Variants in ARHGAP42 observed in about 807,000 individuals in gnomAD.
ARHGAP42 encodes the protein rho GTPase-activating protein 42.
Under a neutral mutation model 125.0 loss-of-function variants are expected in ARHGAP42, and 63 were observed. The ratio of observed to expected loss-of-function variants is 0.50; its 90% CI spans 0.41 to 0.62. ARHGAP42 has a LOEUF of 0.62. Ranked by LOEUF, ARHGAP42 falls within the 20% of genes least tolerant of loss-of-function variation. The pLI is 0.00. For missense variants in ARHGAP42, 766 were observed against 1,024.2 expected (o/e 0.75, Z 3.44); for synonymous variants, 339 against 351.0 (o/e 0.97, Z 0.38).
At chr11:100,689,015 T>C (rs1861140920) in intron 1 of ARHGAP42, among the ~76,000 whole-genome samples, 1 of 152,202 alleles carries the variant, frequency 6.6e-6, no homozygotes, top group South Asian at 2.1e-4. Flanking sequence ...TTTTGAAACA[T>C]GTATTAACAG....
chr11:100,954,772 G>A (rs1857761452), intron 12 of ARHGAP42, among the ~76,000 whole-genome samples: 1 of 152,082 alleles, frequency 6.6e-6, no homozygotes. Context: ...AAGAATTTGG[G>A]CCAGGGCTAT....
At chr11:100,870,019 GTGC>G (rs965975195) in intron 4 of ARHGAP42, among the ~76,000 whole-genome samples, 4 of 152,090 alleles carry the variant, frequency 2.6e-5, no homozygotes, top group Non-Finnish European at 5.9e-5. Flanking sequence ...GTTATTGACT[GTGC>G]AATACAGTGG....
intron 21 of ARHGAP42, among the ~76,000 whole-genome samples, chr11:100,978,512 G>A (rs1215930980): frequency 6.6e-6 from 1 of 151,976 alleles, no homozygotes; most frequent in East Asian, 1.9e-4. Context: ...TTCAGAGTTT[G>A]CCCTTTTCAC....
At chr11:100,742,526 C>A (rs963588753) in intron 1 of ARHGAP42, among the ~76,000 whole-genome samples, 1 of 152,172 alleles carries the variant, frequency 6.6e-6, no homozygotes, top group Non-Finnish European at 1.5e-5. Flanking sequence ...AGTAACAGAT[C>A]TTATTAATTA....
At chr11:100,986,043 C>T (rs1044457270) in intron 22 of ARHGAP42, 2 of 456,536 alleles carry the variant, frequency 4.4e-6, no homozygotes, top group African/African-American at 2.0e-5. Flanking sequence ...GAACCCAGAA[C>T]ATCTTTCCTT....
intron 5 of ARHGAP42, among the ~76,000 whole-genome samples, chr11:100,919,906 T>C (rs894135293): frequency 6.6e-6 from 1 of 152,180 alleles, no homozygotes; most frequent in African/African-American, 2.4e-5. Context: ...TTTGGTGATA[T>C]TTGTACCACA....
At chr11:100,839,238 C>G (rs1198697499) in intron 3 of ARHGAP42, among the ~76,000 whole-genome samples, 1 of 152,150 alleles carries the variant, frequency 6.6e-6, no homozygotes, top group African/African-American at 2.4e-5. Context: ...TCTGCAAATC[C>G]TAAATCTGTC....
intron 16 of ARHGAP42, among the ~76,000 whole-genome samples, chr11:100,964,443 A>C (rs1408348077): frequency 6.6e-6 from 1 of 152,134 alleles, no homozygotes; most frequent in African/African-American, 2.4e-5. Context: ...TGATGTCTCC[A>C]TTCCAATTGC....
At chr11:100,769,237 G>A (rs529546527) in intron 1 of ARHGAP42, among the ~76,000 whole-genome samples, 1 of 152,258 alleles carries the variant, frequency 6.6e-6, no homozygotes, top group South Asian at 2.1e-4. Context: ...TTTATGTGGT[G>A]CTTGACTGTG....
In ARHGAP42 at chr11:100,870,702, C is replaced by T. The variant is rs1333710011; in HGVS notation, c.384+11077C>T. 3.9e-5 allele frequency among the ~76,000 whole-genome samples: 6 copies of T among 152,152 alleles called. No homozygotes were observed. In the East Asian group the frequency reaches 1.2e-3, roughly 29 times the overall value. ...CAAGTACTCAATAAAATTGGAAACA[C>T]TGTATTTCACACTTATGTTTTAGAG... On this transcript the variant is annotated intron_variant, in intron 4 of 23. Coordinates refer to ENST00000298815, the MANE Select transcript of ARHGAP42 (RefSeq NM_152432.4).
intron 4 of ARHGAP42, among the ~76,000 whole-genome samples, chr11:100,911,758 TGG>T (rs1866925065): frequency 6.6e-6 from 1 of 152,178 alleles, no homozygotes; most frequent in Non-Finnish European, 1.5e-5. Flanking sequence ...TCTTTTCCTT[TGG>T]GTCAGCTATT....
chr11:100,759,030 A>G (rs146507611), intron 1 of ARHGAP42, among the ~76,000 whole-genome samples: 60 of 152,244 alleles, frequency 3.9e-4, no homozygotes, highest in Admixed American at 3.9e-3. Context: ...TTTTAACTGA[A>G]TGCTCACTCC....
At chr11:100,981,642 A>G (rs567850757) in intron 22 of ARHGAP42, among the ~76,000 whole-genome samples, 2 of 152,216 alleles carry the variant, frequency 1.3e-5, no homozygotes, top group African/African-American at 4.8e-5. Context: ...GATCTAATCT[A>G]TGATGCACCA....
rs759996513 is a variant in ARHGAP42, at chr11:100,992,708, T to C, written c.*3907T>C. ...GCAGGTTTATGAATGATGTGGACTT[T>C]TAGAGGATCAAATCAATAAATTGGA... On this transcript the variant is annotated 3_prime_UTR_variant, in exon 24 of 24. Transcript: ENST00000298815. The C allele has an allele frequency of 2.6e-6, 4 of 1,554,318 alleles. No homozygotes were observed. Among genetic ancestry groups the C allele is most frequent in the Admixed American group, 4.1e-5 (2 of 48,816 alleles).
chr11:100,987,370 C>G (rs1300304266), intron 22 of ARHGAP42, 143 bp from the exon 23 acceptor site: 1 of 642,806 alleles, frequency 1.6e-6, no homozygotes, highest in East Asian at 2.8e-5. Flanking sequence ...GCAAAAAGCA[C>G]CGATGTACAC....
At chr11:100,689,342 A>C (rs1455233715) in intron 1 of ARHGAP42, among the ~76,000 whole-genome samples, 1 of 152,226 alleles carries the variant, frequency 6.6e-6, no homozygotes, top group African/African-American at 2.4e-5. Context: ...CTAAGAGAGC[A>C]TGATGCCTCT....
chr11:100,798,255 G>A (rs73575581), intron 3 of ARHGAP42, among the ~76,000 whole-genome samples: 1,898 of 152,324 alleles, frequency 0.012, 50 homozygotes, highest in African/African-American at 0.043. Flanking sequence ...TGACAAGATA[G>A]ACTTCAATTT....
intron 1 of ARHGAP42, among the ~76,000 whole-genome samples, chr11:100,763,939 CG>C (rs1218780214): frequency 1.2e-4 from 18 of 151,888 alleles, no homozygotes; most frequent in African/African-American, 4.4e-4. Flanking sequence ...GTAAAGGATT[CG>C]TTAAATGTTG....
chr11:100,944,614 G>C (rs778733861), intron 10 of ARHGAP42, among the ~76,000 whole-genome samples: 3 of 151,492 alleles, frequency 2.0e-5, no homozygotes, highest in Non-Finnish European at 4.4e-5. Flanking sequence ...CCAAACCACT[G>C]TAATAAAGCG....
Sources: allele counts gnomAD v4.1 joint callset (sites outside exome capture counted in the v4.1 genomes callset), GRCh38; gene constraint gnomAD v4.1.1; transcripts MANE v1.5; gene names NCBI Gene and HGNC (gene_info 2026-07-23, HGNC 2026-07-21).